RASGEF1C: variants seen among roughly 807,000 people sequenced by gnomAD.
RASGEF1C encodes ras-GEF domain-containing family member 1C.
Under a neutral mutation model 58.1 loss-of-function variants are expected in RASGEF1C, and 27 were observed. That is an observed-to-expected ratio of 0.46 (90% CI 0.34 to 0.64). The LOEUF is 0.64. Ranked by LOEUF, RASGEF1C falls within the 30% of genes least tolerant of loss-of-function variation. The probability of loss-of-function intolerance (pLI) is 0.01; values close to 1 mark genes in which losing one functional copy is unlikely to be tolerated. For missense variants in RASGEF1C, 502 were observed against 605.1 expected (o/e 0.83, Z 1.79); for synonymous variants, 243 against 246.3 (o/e 0.99, Z 0.13).
rs368262301 is a variant in RASGEF1C, at chr5:180,152,856, G to A, written c.-6-14798C>T. On this transcript the variant is annotated intron_variant, in intron 1 of 13. Transcript: ENST00000361132. ...AACCCGAGAGGCGGAAGTTGCAGTGGGCCGAGATTGCGCCACTGCACTCCA... is the reference window on the plus strand; with the variant it reads ...AACCCGAGAGGCGGAAGTTGCAGTGAGCCGAGATTGCGCCACTGCACTCCA... Among the ~76,000 whole-genome samples, 556 of 150,054 alleles carry A rather than the reference G, an allele frequency of 3.7e-3. 3 individuals are homozygous for A. Among genetic ancestry groups the A allele is most frequent in the African/African-American group, 0.012 (485 of 40,528 alleles).
chr5:180,112,696 G>A (rs1765978275), intron 11 of RASGEF1C, among the ~76,000 whole-genome samples: 1 of 152,150 alleles, frequency 6.6e-6, no homozygotes, highest in Admixed American at 6.5e-5. Context: ...GGCATGCTCT[G>A]TCTGACTCAG....
rs1194410751 is a variant in RASGEF1C, at chr5:180,198,169, G to A, written c.-7+10859C>T. Reference sequence around the variant, plus strand: ...TGGGCAGTAAGGCCCTAAGGAAACTGGAAACAGGCAGGACAAAAGCGCACC... The same window carrying A: ...TGGGCAGTAAGGCCCTAAGGAAACTAGAAACAGGCAGGACAAAAGCGCACC... On this transcript the variant is annotated intron_variant, in intron 1 of 13. Coordinates refer to ENST00000361132, the MANE Select transcript of RASGEF1C (RefSeq NM_175062.4). The surrounding 1 kb of genome is among the most constrained non-coding windows in gnomAD (Gnocchi z 4.5). 1.3e-5 allele frequency among the ~76,000 whole-genome samples: 2 copies of A among 152,208 alleles called. No homozygotes were observed. The highest frequency in any genetic ancestry group is 1.5e-5 in the Non-Finnish European group (1 of 68,026).
intron 4 of RASGEF1C, among the ~76,000 whole-genome samples, chr5:180,130,118 C>T (rs1766339367): frequency 6.6e-6 from 1 of 152,330 alleles, no homozygotes; most frequent in South Asian, 2.1e-4. Flanking sequence ...CCTTGCAGCC[C>T]TGTGGAGCTG....
chr5:180,152,634 AGCACAC>A, intron 1 of RASGEF1C, among the ~76,000 whole-genome samples: 2 of 151,286 alleles, frequency 1.3e-5, no homozygotes, highest in African/African-American at 4.9e-5. Context: ...TAATGGGTGC[AGCACAC>A]CAACATGGCA....
At chr5:180,148,360 G>C (rs1037896294) in intron 1 of RASGEF1C, among the ~76,000 whole-genome samples, 4 of 147,860 alleles carry the variant, frequency 2.7e-5, no homozygotes, top group African/African-American at 7.5e-5. Flanking sequence ...TAACTGTTAA[G>C]ACAGGATTTA....
intron 1 of RASGEF1C, among the ~76,000 whole-genome samples, chr5:180,164,289 C>CTTTCCCTAG (rs1336496660): frequency 2.6e-5 from 4 of 152,118 alleles, no homozygotes; most frequent in Non-Finnish European, 5.9e-5. Flanking sequence ...TTTTGCTCCT[C>CTTTCCCTAG]TTTCCCTAGT....
Position 180,137,812 on chromosome 5 carries a change from C to G in RASGEF1C, c.177+64G>C. 1.2e-6 allele frequency: 2 copies of G among 1,602,198 alleles called. No homozygotes were observed. The highest frequency in any genetic ancestry group is 2.7e-5 in the African/African-American group (2 of 74,924). On this transcript the variant is annotated intron_variant, in intron 2 of 13. Coordinates refer to ENST00000361132, the MANE Select transcript of RASGEF1C (RefSeq NM_175062.4). The surrounding 1 kb of genome is among the most constrained non-coding windows in gnomAD (Gnocchi z 4.1). ...ACCCTGGCCCAAGGTCACGCCCAACCCTGATGCCCCCCGTGCGTGGTGGAG... is the reference window on the plus strand; with the variant it reads ...ACCCTGGCCCAAGGTCACGCCCAACGCTGATGCCCCCCGTGCGTGGTGGAG...
intron 4 of RASGEF1C, among the ~76,000 whole-genome samples, chr5:180,134,156 C>T (rs941500499): frequency 2.0e-5 from 3 of 152,276 alleles, no homozygotes; most frequent in Non-Finnish European, 2.9e-5. Context: ...TCCACAGCAG[C>T]GCCCAGTGAG....
intron 1 of RASGEF1C, among the ~76,000 whole-genome samples, chr5:180,182,026 A>T (rs1171080860): frequency 2.0e-5 from 3 of 150,906 alleles, no homozygotes; most frequent in Non-Finnish European, 4.4e-5. Flanking sequence ...ACACGGTGAA[A>T]CCCCGTCTCT....
At chr5:180,173,817 G>A (rs1408219501) in intron 1 of RASGEF1C, among the ~76,000 whole-genome samples, 2 of 152,056 alleles carry the variant, frequency 1.3e-5, no homozygotes, top group Non-Finnish European at 2.9e-5. Flanking sequence ...GGAGGCTGAG[G>A]CAGGAGAATC....
chr5:180,195,697 G>A (rs1040797664), intron 1 of RASGEF1C, among the ~76,000 whole-genome samples: 1 of 151,232 alleles, frequency 6.6e-6, no homozygotes, highest in Non-Finnish European at 1.5e-5. Flanking sequence ...GGGAGGCGGA[G>A]CTTGCAGTGA....
At chr5:180,136,649 G>C (rs554240743) in intron 3 of RASGEF1C, 134 bp from the exon 4 acceptor site, 1 of 960,884 alleles carries the variant, frequency 1.0e-6, no homozygotes, top group East Asian at 2.7e-5. Context: ...GGAGGAGGAG[G>C]GGGGTGCGAT....
At position 180,172,879 on chromosome 5, in the gene RASGEF1C, G is replaced by A. The variant is rs1045658298; in HGVS notation, c.-6-34821C>T. On this transcript the variant is annotated intron_variant, in intron 1 of 13. Transcript: ENST00000361132. ...TCCCTGTGCCTCTCCCTGTGCTCCC[G>A]CCTCCATGCCTTTGCCCATGCTCTA... is the stretch of plus-strand genomic sequence containing the variant. Among the ~76,000 whole-genome samples, 6 of 152,060 alleles carry A rather than the reference G, an allele frequency of 3.9e-5. No homozygotes were observed. In the South Asian group the frequency reaches 6.2e-4, roughly 16 times the overall value.
At chr5:180,190,250 G>C (rs1433380415) in intron 1 of RASGEF1C, among the ~76,000 whole-genome samples, 1 of 151,990 alleles carries the variant, frequency 6.6e-6, no homozygotes, top group Non-Finnish European at 1.5e-5. Flanking sequence ...CATTTTGGGA[G>C]GCCGAGGCAG....
chr5:180,191,394 T>C (rs1042433634), intron 1 of RASGEF1C, among the ~76,000 whole-genome samples: 1 of 152,172 alleles, frequency 6.6e-6, no homozygotes, highest in African/African-American at 2.4e-5. Flanking sequence ...TCTAGCTCTG[T>C]CGCCCAGGCT....
intron 1 of RASGEF1C, among the ~76,000 whole-genome samples, chr5:180,188,073 AC>A (rs552766667): frequency 3.1e-4 from 47 of 152,360 alleles, no homozygotes; most frequent in African/African-American, 1.1e-3. Flanking sequence ...AAAGGGGGAA[AC>A]AACCCACATG....
At chr5:180,173,905 T>TCC (rs528922298) in intron 1 of RASGEF1C, among the ~76,000 whole-genome samples, 2,898 of 111,218 alleles carry the variant, frequency 0.026, 54 homozygotes, top group Non-Finnish European at 0.038. Context: ...AGAGCGAGAC[T>TCC]GTCTCAAAAC....
At chr5:180,166,400 G>A (rs1005813784) in intron 1 of RASGEF1C, among the ~76,000 whole-genome samples, 8 of 151,852 alleles carry the variant, frequency 5.3e-5, no homozygotes, top group Admixed American at 6.6e-5. Flanking sequence ...ACTTCCCTTT[G>A]GCCAGAAGAA....
intron 10 of RASGEF1C, among the ~76,000 whole-genome samples, chr5:180,116,925 G>A (rs1375304369): frequency 6.6e-6 from 1 of 152,252 alleles, no homozygotes; most frequent in Non-Finnish European, 1.5e-5. Context: ...TACCTGCAGT[G>A]TGAGTGGACT....
Sources: gnomAD v4.1 joint callset for allele counts (sites outside exome capture counted in the v4.1 genomes callset) on GRCh38, gnomAD v4.1.1 for gene constraint, Gnocchi (gnomAD v3.1) non-coding constraint, MANE v1.5 for transcripts, NCBI Gene and HGNC (gene_info 2026-07-23, HGNC 2026-07-21) for gene names.